Variants in GPAT4 observed in about 807,000 individuals in gnomAD.
The protein encoded by GPAT4 is 1-AGP acyltransferase 6.
Under a neutral mutation model 58.0 loss-of-function variants are expected in GPAT4, and 17 were observed. That is an observed-to-expected ratio of 0.29 (90% confidence interval 0.20 to 0.44). GPAT4 has a LOEUF of 0.44. Among genes scored for constraint, GPAT4 ranks in the 20% least tolerant of loss-of-function variants. GPAT4 has a pLI of 1.00. For missense variants in GPAT4, 377 were observed against 574.5 expected, an observed-to-expected ratio of 0.66 and a Z score of 3.51; for synonymous variants, 204 against 210.1, an observed-to-expected ratio of 0.97 and a Z score of 0.25.
chr8:41,583,239 A>G (rs1252945020), intron 1 of GPAT4, among the ~76,000 whole-genome samples: 1 of 151,792 alleles, frequency 6.6e-6, no homozygotes, highest in Non-Finnish European at 1.5e-5. Context: ...AAAATAATAT[A>G]TATATATGTA....
At chr8:41,609,580 C>T (rs551368843) in intron 3 of GPAT4, 75 bp from the exon 4 acceptor site, 1 of 1,601,214 alleles carries the variant, frequency 6.2e-7, no homozygotes, top group Non-Finnish European at 8.6e-7. Flanking sequence ...TGCATTAGTG[C>T]AGGATGTGTG....
intron 4 of GPAT4, chr8:41,610,307 GCTT>G: frequency 8.2e-7 from 1 of 1,217,952 alleles, no homozygotes. Context: ...TGATCTTTCA[GCTT>G]CTCTGCACCA....
chr8:41,614,539 G>T (rs1803540507), intron 9 of GPAT4, 98 bp downstream of exon 9: 1 of 1,246,050 alleles, frequency 8.0e-7, no homozygotes, highest in Non-Finnish European at 1.2e-6. Flanking sequence ...CCTTGTTGGG[G>T]TTATCTGTTT....
Position 41,611,962 on chromosome 8 carries a change from C to A in GPAT4, c.671C>A (p.Ala224Glu). The A allele has an allele frequency of 6.2e-7, 1 of 1,614,154 alleles. No homozygotes were observed. The highest frequency in any genetic ancestry group is 8.5e-7 in the Non-Finnish European group (1 of 1,180,028). ...HLMCYRICVR[A>E]LTAIITYHDR... ...ATGTGTTACCGGATCTGCGTGCGAG[C>A]GCTGACAGCCATCATCACCTACCAT... Residue 224 changes from alanine to glutamate, a missense_variant, in exon 6 of 13, where the codon GCG becomes GAG. Transcript: ENST00000396987.
At chr8:41,578,543 C>T (rs1239533828) in intron 1 of GPAT4, 1 of 152,228 alleles carries the variant, frequency 6.6e-6, no homozygotes, top group Non-Finnish European at 1.5e-5. Flanking sequence ...CTCTCCGAGC[C>T]CGGCTCCTCG....
rs1020959025 is a variant in GPAT4 at position 41,595,541 on chromosome 8, C to T, written c.-848-2751C>T. On this transcript the variant is annotated intron_variant, in intron 1 of 12. Coordinates refer to ENST00000396987, the MANE Select transcript of GPAT4 (RefSeq NM_178819.4). ...AGGTTGTTAGTGGCCTCAGTGCTTT[C>T]GGGCTAAGCCCTTGTTTACACTTAC... 8.6e-5 allele frequency among the ~76,000 whole-genome samples: 13 copies of T among 151,996 alleles called. 1 individual carries two copies. The highest frequency in any genetic ancestry group is 3.1e-4 in the African/African-American group (13 of 41,370).
At chr8:41,582,862 C>T (rs1802560035) in intron 1 of GPAT4, among the ~76,000 whole-genome samples, 1 of 152,078 alleles carries the variant, frequency 6.6e-6, no homozygotes, top group African/African-American at 2.4e-5. Flanking sequence ...ATATCCAGCA[C>T]CTGAAACATA....
intron 12 of GPAT4, 90 bp from the exon 13 acceptor site, chr8:41,620,803 G>T: frequency 6.6e-7 from 1 of 1,508,490 alleles, no homozygotes; most frequent in Non-Finnish European, 8.9e-7. Flanking sequence ...GGTTTTTCTT[G>T]GTGTTTGGGC....
At position 41,606,320 on chromosome 8, in the gene GPAT4, AGAATT is replaced by A. The variant is rs558857884; in HGVS notation, c.166-3080_166-3076del. Among the ~76,000 whole-genome samples, 1,227 of 152,290 alleles carry A rather than the reference AGAATT, an allele frequency of 8.1e-3. 6 individuals carry two copies. Among genetic ancestry groups the A allele is most frequent in the Non-Finnish European group, 0.013 (874 of 68,018 alleles). ...ATACCAACTCCAGGTCAATAGCCTC[AGAATT>A]GAATTGAATTGAATTAGAGGACACC... On this transcript the variant is annotated intron_variant, in intron 2 of 12. Transcript: ENST00000396987.
At chr8:41,614,842 T>C in intron 9 of GPAT4, 121 bp from the exon 10 acceptor site, 1 of 765,996 alleles carries the variant, frequency 1.3e-6, no homozygotes, top group Non-Finnish European at 2.1e-6. Flanking sequence ...AGATGACAGA[T>C]GTATCTTACT....
chr8:41,602,620 G>A (rs1803135158), intron 2 of GPAT4, among the ~76,000 whole-genome samples: 1 of 152,144 alleles, frequency 6.6e-6, no homozygotes, highest in South Asian at 2.1e-4. Context: ...TGGCCCAGTG[G>A]GCTTCAGGTC....
chr8:41,596,704 C>T (rs559903165), intron 1 of GPAT4, among the ~76,000 whole-genome samples: 43 of 152,350 alleles, frequency 2.8e-4, no homozygotes, highest in African/African-American at 1.0e-3. Flanking sequence ...GCCTAAGTCA[C>T]CTAAGGGGCT....
intron 10 of GPAT4, among the ~76,000 whole-genome samples, chr8:41,617,498 T>C (rs1288900445): frequency 6.6e-6 from 1 of 152,264 alleles, no homozygotes; most frequent in African/African-American, 2.4e-5. Flanking sequence ...TCTTCTGTAG[T>C]TAAATCTAAT....
At chr8:41,593,410 A>C (rs11996080) in intron 1 of GPAT4, among the ~76,000 whole-genome samples, 70,913 of 152,054 alleles carry the variant, frequency 0.47, 16,905 homozygotes, top group African/African-American at 0.55. Context: ...GGATGTATAC[A>C]CTGGGAATAG....
At chr8:41,612,677 G>C in intron 7 of GPAT4, 168 bp from the exon 8 acceptor site, 2 of 594,704 alleles carry the variant, frequency 3.4e-6, no homozygotes, top group Non-Finnish European at 6.0e-6. Flanking sequence ...AGAAGTTTAA[G>C]ATTTGGGGAG....
In GPAT4 at chr8:41,599,012, T is replaced by G; in HGVS notation, c.-128T>G. 7.8e-7 allele frequency: 1 copy of G among 1,279,106 alleles called. No individual in the cohort carries two copies. The highest frequency in any genetic ancestry group is 1.1e-6 in the Non-Finnish European group (1 of 926,758). 79.2% of individuals were successfully genotyped at this position (1,279,106 alleles called of 1,614,324 possible). A position where few individuals can be genotyped will look rare whatever the true frequency, so the allele number is the denominator to read the frequency against. On this transcript the variant is annotated 5_prime_UTR_variant, in exon 2 of 13. Transcript: ENST00000396987. ...TCAGGCGGTTGAAGGGTGTGGACTT[T>G]GGAATGGGGTTTGCTGTTCTTCGGG...
At chr8:41,591,268 T>G (rs531411106) in intron 1 of GPAT4, among the ~76,000 whole-genome samples, 5 of 152,210 alleles carry the variant, frequency 3.3e-5, no homozygotes, top group Non-Finnish European at 5.9e-5. Context: ...AGGTTGGTTT[T>G]TAACTACCAG....
rs2078307729 is a variant in GPAT4 at position 41,614,971 on chromosome 8, A to G, written c.976A>G (p.Ile326Val). 2 of 1,613,898 alleles carry G rather than the reference A, an allele frequency of 1.2e-6. No individual in the cohort carries two copies. The highest frequency in any genetic ancestry group is 3.3e-5 in the Admixed American group (2 of 60,010). ...TGTCTCCTGCATTTTAGGAACCTGC[A>G]TCAATAATACATCGGTGATGATGTT... ...PILIFPEGTC[I>V]NNTSVMMFKK... The change falls in exon 10 of 13, where the codon ATC becomes GTC. Residue 326 changes from isoleucine to valine, a missense_variant. By Grantham distance (29) the Ile-to-Val change is conservative (BLOSUM62 3). Transcript: ENST00000396987.
At chr8:41,591,178 A>G (rs1005689323) in intron 1 of GPAT4, among the ~76,000 whole-genome samples, 3 of 152,120 alleles carry the variant, frequency 2.0e-5, no homozygotes, top group African/African-American at 7.2e-5. Context: ...ATCAGAATGG[A>G]ATAGAACAGG....
Sources: allele counts gnomAD v4.1 joint callset (sites outside exome capture counted in the v4.1 genomes callset), GRCh38; gene constraint gnomAD v4.1.1; transcripts MANE v1.5; gene names NCBI Gene and HGNC (gene_info 2026-07-23, HGNC 2026-07-21).